The following LRP1B variants were observed in gnomAD, a reference collection of about 807,000 sequenced individuals.
The protein encoded by LRP1B is low-density lipoprotein receptor-related protein 1B.
In LRP1B, 217 loss-of-function variants were observed where a neutral mutation model predicts 556.6. The ratio of observed to expected loss-of-function variants is 0.39; its 90% CI spans 0.35 to 0.44. The LOEUF (loss-of-function observed/expected upper bound fraction) is 0.44, where lower values mean the gene tolerates loss of function less well. Ranked by LOEUF, LRP1B falls within the 20% of genes least tolerant of loss-of-function variation. The probability of loss-of-function intolerance (pLI) is 1.00; values close to 1 mark genes in which losing one functional copy is unlikely to be tolerated. For synonymous variants in LRP1B, 2,047 were observed against 1,865.8 expected, an observed-to-expected ratio of 1.10 and a Z score of -2.50; for missense variants, 5,053 against 5,620.8, an observed-to-expected ratio of 0.90 and a Z score of 3.23.
rs1473763470 is a variant in LRP1B, at chr2:140,595,293, G to C, written c.7194+3338C>G. 4.0e-5 allele frequency among the ~76,000 whole-genome samples: 6 copies of C among 151,610 alleles called. No homozygotes were observed. In the South Asian group the frequency reaches 6.3e-4, roughly 16 times the overall value. On this transcript the variant is annotated intron_variant, in intron 43 of 90. Coordinates refer to ENST00000389484, the MANE Select transcript of LRP1B (RefSeq NM_018557.3). Reference sequence around the variant, plus strand: ...TTCCTGTGAACACTGGCATGTGTTAGATTATCTGCTCTTTTCAAGGCGAAC... The same window carrying C: ...TTCCTGTGAACACTGGCATGTGTTACATTATCTGCTCTTTTCAAGGCGAAC...
chr2:141,518,958 T>G (rs1421519574), intron 2 of LRP1B, among the ~76,000 whole-genome samples: 3 of 151,382 alleles, frequency 2.0e-5, no homozygotes, highest in Non-Finnish European at 2.9e-5. Flanking sequence ...CTCAAAAAAA[T>G]AAAAATAAAA....
At chr2:141,989,967 C>T (rs1227144138) in intron 1 of LRP1B, among the ~76,000 whole-genome samples, 2 of 152,070 alleles carry the variant, frequency 1.3e-5, no homozygotes, top group African/African-American at 4.8e-5. Context: ...ATTTATAGTT[C>T]ATAAGCCATT....
chr2:140,844,644 T>C (rs1305067568), intron 29 of LRP1B, among the ~76,000 whole-genome samples: 2 of 152,186 alleles, frequency 1.3e-5, no homozygotes, highest in Non-Finnish European at 1.5e-5. Flanking sequence ...CAGAACAAGA[T>C]CTCTGAGTAA....
chr2:140,425,975 C>A (rs1685634673), intron 66 of LRP1B, among the ~76,000 whole-genome samples: 1 of 151,888 alleles, frequency 6.6e-6, no homozygotes, highest in Admixed American at 6.6e-5. Context: ...TTCAGGTGTT[C>A]ATTAATTTGT....
intron 1 of LRP1B, among the ~76,000 whole-genome samples, chr2:142,073,939 C>T (rs1171947246): frequency 6.6e-6 from 1 of 151,982 alleles, no homozygotes. Context: ...TGCTGCCATG[C>T]TTCCTGTACA....
At chr2:141,841,115 C>T (rs1028456019) in intron 1 of LRP1B, among the ~76,000 whole-genome samples, 2 of 152,090 alleles carry the variant, frequency 1.3e-5, no homozygotes, top group Non-Finnish European at 2.9e-5. Flanking sequence ...TAAAAATTAG[C>T]TCTTTATTTA....
Position 140,444,691 on chromosome 2 carries a change from A to G in LRP1B, c.10058-12T>C. The G allele has an allele frequency of 6.5e-7, 1 of 1,539,618 alleles. No homozygotes were observed. Among genetic ancestry groups the G allele is most frequent in the Non-Finnish European group, 9.0e-7 (1 of 1,113,204 alleles). ...ACATCTAAATTCAGCTAGGGGAGAA[A>G]GCATAGATATTGTGGAATGGTAATC... On this transcript the variant is annotated splice_polypyrimidine_tract_variant and intron_variant, in intron 63 of 90. Transcript: ENST00000389484.
rs185887251 is a variant in LRP1B at position 140,610,617 on chromosome 2, G to T, written c.6800-8978C>A. On this transcript the variant is annotated intron_variant, in intron 41 of 90. Coordinates refer to ENST00000389484, the MANE Select transcript of LRP1B (RefSeq NM_018557.3). ...TTTTATTTTTTTGAGACGGAATCTC[G>T]CTCTGTCGCCCAGGCTGGAGTGCAG... 4.6e-5 allele frequency among the ~76,000 whole-genome samples: 7 copies of T among 152,144 alleles called. No individual in the cohort carries two copies. The East Asian group carries it at 1.2e-3, about 25-fold the overall frequency.
intron 21 of LRP1B, among the ~76,000 whole-genome samples, chr2:140,918,216 G>GTA (rs762683699): frequency 9.5e-5 from 14 of 146,732 alleles, no homozygotes; most frequent in Non-Finnish European, 2.0e-4. Context: ...GTGTGTGTGT[G>GTA]TGTAGAGAAT....
intron 2 of LRP1B, among the ~76,000 whole-genome samples, chr2:141,623,083 T>C (rs1688561653): frequency 1.3e-5 from 2 of 152,196 alleles, no homozygotes; most frequent in Non-Finnish European, 2.9e-5. Flanking sequence ...AAAGCAATTA[T>C]GAATGAAAGT....
At chr2:140,290,398 A>G (rs2104984978) in intron 84 of LRP1B, among the ~76,000 whole-genome samples, 1 of 152,220 alleles carries the variant, frequency 6.6e-6, no homozygotes, top group Non-Finnish European at 1.5e-5. Flanking sequence ...GATGATAAGA[A>G]CCTGAATGAA....
At chr2:141,824,058 G>T (rs1317768963) in intron 1 of LRP1B, among the ~76,000 whole-genome samples, 1 of 152,054 alleles carries the variant, frequency 6.6e-6, no homozygotes, top group Non-Finnish European at 1.5e-5. Flanking sequence ...TGTTTTGCTT[G>T]AATATAGGAA....
intron 2 of LRP1B, among the ~76,000 whole-genome samples, chr2:141,717,333 A>G (rs910775206): frequency 2.0e-5 from 3 of 152,318 alleles, no homozygotes; most frequent in South Asian, 4.1e-4. Context: ...CATGATTGCT[A>G]TTATGTCAAA....
chr2:141,757,089 G>A (rs1319319899), intron 2 of LRP1B, among the ~76,000 whole-genome samples: 2 of 151,904 alleles, frequency 1.3e-5, no homozygotes, highest in Admixed American at 6.6e-5. Flanking sequence ...TTCTAGCCTT[G>A]ATTTTATAAA....
chr2:141,142,948 CAG>C (rs1372018011), intron 7 of LRP1B, among the ~76,000 whole-genome samples: 1 of 88,048 alleles, frequency 1.1e-5, no homozygotes, highest in South Asian at 3.9e-4. Flanking sequence ...TTTTTTGAGA[CAG>C]AGTCTTGTTC....
intron 69 of LRP1B, among the ~76,000 whole-genome samples, chr2:140,372,344 C>A (rs1256902863): frequency 9.9e-5 from 15 of 151,878 alleles, no homozygotes; most frequent in Admixed American, 9.9e-4. Context: ...AATGTGTGAG[C>A]CTTGTACTTG....
At chr2:141,472,903 A>G (rs1682532616) in intron 3 of LRP1B, among the ~76,000 whole-genome samples, 1 of 152,168 alleles carries the variant, frequency 6.6e-6, no homozygotes, top group Admixed American at 6.5e-5. Flanking sequence ...TATAATATTA[A>G]CATTCATCAA....
chr2:141,793,946 C>A (rs1446052700), intron 2 of LRP1B, among the ~76,000 whole-genome samples: 4 of 151,460 alleles, frequency 2.6e-5, no homozygotes, highest in East Asian at 1.9e-4. Flanking sequence ...TTTTGGTTTC[C>A]TTTTTATAAG....
At chr2:141,951,379 T>C (rs773569058) in intron 1 of LRP1B, among the ~76,000 whole-genome samples, 11 of 152,180 alleles carry the variant, frequency 7.2e-5, no homozygotes, top group African/African-American at 1.4e-4. Flanking sequence ...CGCTATATCA[T>C]TGTTATGCCT....
Sources: allele counts gnomAD v4.1 joint callset (sites outside exome capture counted in the v4.1 genomes callset), GRCh38; gene constraint gnomAD v4.1.1; transcripts MANE v1.5; gene names NCBI Gene and HGNC (gene_info 2026-07-23, HGNC 2026-07-21).